Variants in PTPRO observed in about 807,000 individuals in gnomAD.
PTPRO encodes the protein protein tyrosine phosphatase receptor type O.
In PTPRO, 62 loss-of-function variants were observed where a neutral mutation model predicts 145.2. That is an observed-to-expected ratio of 0.43 (90% CI 0.35 to 0.53). The LOEUF is 0.53. Ranked by LOEUF, PTPRO falls within the 20% of genes least tolerant of loss-of-function variation. The pLI is 0.01. For missense variants in PTPRO, 1,345 were observed against 1,482.7 expected (o/e 0.91, Z 1.53); for synonymous variants, 565 against 514.7 (o/e 1.10, Z -1.32).
At chr12:15,494,034 A>AAAACATG (rs1430374161) in intron 2 of PTPRO, among the ~76,000 whole-genome samples, 9 of 152,222 alleles carry the variant, frequency 5.9e-5, no homozygotes, top group Non-Finnish European at 1.3e-4. Flanking sequence ...ATAATAATTT[A>AAAACATG]AAACATGAAA....
At position 15,515,448 on chromosome 12, in the gene PTPRO, A is replaced by G. The variant is rs1443294352; in HGVS notation, c.1465-50A>G. On this transcript the variant is annotated intron_variant, in intron 7 of 26. Transcript: ENST00000281171. ...AATATTATACCAGCCTCTGTGTAAC[A>G]TTCTGAAATCCCAGCTCTAAATAAA... The G allele has an allele frequency of 2.5e-6, 4 of 1,607,334 alleles. No individual in the cohort carries two copies. The South Asian group carries it at 3.3e-5, about 13-fold the overall frequency.
At chr12:15,331,138 A>G (rs75162833) in intron 1 of PTPRO, among the ~76,000 whole-genome samples, 1,753 of 152,228 alleles carry the variant, frequency 0.012, 35 homozygotes, top group African/African-American at 0.039. Context: ...GAATTTAAGA[A>G]GTTGAAGGCA....
intron 2 of PTPRO, among the ~76,000 whole-genome samples, chr12:15,485,818 T>C (rs1056188346): frequency 2.0e-5 from 3 of 152,178 alleles, no homozygotes; most frequent in African/African-American, 4.8e-5. Flanking sequence ...CTTTGTGATG[T>C]TTTTCTTTGA....
intron 2 of PTPRO, among the ~76,000 whole-genome samples, chr12:15,485,628 C>T (rs993167777): frequency 3.3e-5 from 5 of 152,088 alleles, no homozygotes; most frequent in African/African-American, 4.8e-5. Context: ...ACTGTAATGA[C>T]GGTCGCTGAT....
At chr12:15,563,971 T>C (rs1352556583) in intron 17 of PTPRO, among the ~76,000 whole-genome samples, 1 of 152,154 alleles carries the variant, frequency 6.6e-6, no homozygotes, top group African/African-American at 2.4e-5. Flanking sequence ...ACTAACTAAA[T>C]TACCATCACG....
intron 16 of PTPRO, among the ~76,000 whole-genome samples, chr12:15,558,973 T>C (rs956314143): frequency 3.9e-5 from 6 of 152,164 alleles, no homozygotes; most frequent in Admixed American, 1.3e-4. Context: ...GAAACGTTAC[T>C]AGGTTTGTTC....
intron 1 of PTPRO, among the ~76,000 whole-genome samples, chr12:15,325,840 G>A (rs1866430118): frequency 6.6e-6 from 1 of 152,122 alleles, no homozygotes; most frequent in South Asian, 2.1e-4. Context: ...CTGAAATGTT[G>A]CTTTTTAGTA....
At chr12:15,467,485 T>A (rs1031605682) in intron 1 of PTPRO, among the ~76,000 whole-genome samples, 8 of 151,892 alleles carry the variant, frequency 5.3e-5, no homozygotes, top group African/African-American at 1.9e-4. Context: ...AATCCATTCT[T>A]AAGTCACTCA....
At chr12:15,494,508 G>T (rs1490834090) in intron 2 of PTPRO, among the ~76,000 whole-genome samples, 1 of 152,130 alleles carries the variant, frequency 6.6e-6, no homozygotes, top group African/African-American at 2.4e-5. Context: ...CTATACGTTT[G>T]AGTTCTTCTA....
At chr12:15,481,061 G>A (rs1197234833) in intron 1 of PTPRO, among the ~76,000 whole-genome samples, 1 of 152,218 alleles carries the variant, frequency 6.6e-6, no homozygotes, top group Non-Finnish European at 1.5e-5. Context: ...GATAAGGGAA[G>A]GAGCTAGTAT....
Position 15,502,038 on chromosome 12 carries a change from G to A in PTPRO, c.1080G>A (p.Gly360=). 6.2e-7 allele frequency: 1 copy of A among 1,613,110 alleles called. No homozygotes were observed. Among genetic ancestry groups the A allele is most frequent in the Non-Finnish European group, 8.5e-7 (1 of 1,179,132 alleles). Residue 360 remains glycine, a synonymous_variant, in exon 5 of 27, where the codon GGG becomes GGA. Transcript: ENST00000281171. ...LPPKPPTAFD[G]FHIHIEREEN... Reference sequence around the variant, plus strand: ...CCAAACCACCCACTGCTTTTGATGGGTTCCATATCCATATTGAACGAGAAG... The same window carrying A: ...CCAAACCACCCACTGCTTTTGATGGATTCCATATCCATATTGAACGAGAAG...
chr12:15,451,360 C>T (rs1483201806), intron 1 of PTPRO, among the ~76,000 whole-genome samples: 1 of 151,974 alleles, frequency 6.6e-6, no homozygotes, highest in African/African-American at 2.4e-5. Flanking sequence ...TGCTACTAGA[C>T]CTAAGAAATG....
chr12:15,402,492 G>T (rs1042111545), intron 1 of PTPRO, among the ~76,000 whole-genome samples: 1 of 152,018 alleles, frequency 6.6e-6, no homozygotes, highest in African/African-American at 2.4e-5. Context: ...ACAAAATTCT[G>T]ATGATTATAA....
chr12:15,443,621 A>G (rs1346079435), intron 1 of PTPRO, among the ~76,000 whole-genome samples: 1 of 152,184 alleles, frequency 6.6e-6, no homozygotes, highest in Non-Finnish European at 1.5e-5. Context: ...AATATCTAGA[A>G]TTCACATGAA....
chr12:15,383,483 TA>T (rs1434116243), intron 1 of PTPRO, among the ~76,000 whole-genome samples: 1 of 152,180 alleles, frequency 6.6e-6, no homozygotes, highest in Non-Finnish European at 1.5e-5. Flanking sequence ...ATGTTGATGA[TA>T]AAAAACAATG....
At chr12:15,346,149 C>A (rs764542754) in intron 1 of PTPRO, among the ~76,000 whole-genome samples, 2 of 152,120 alleles carry the variant, frequency 1.3e-5, no homozygotes, top group Non-Finnish European at 2.9e-5. Flanking sequence ...TATTCTCTGA[C>A]AAACATATAA....
In PTPRO at chr12:15,416,751, T is replaced by C. The variant is rs568535570; in HGVS notation, c.76-67223T>C. Among the ~76,000 whole-genome samples, 4 of 149,812 alleles carry C rather than the reference T, an allele frequency of 2.7e-5. 1 individual carries two copies. The South Asian group carries it at 6.3e-4, about 24-fold the overall frequency. On this transcript the variant is annotated intron_variant, in intron 1 of 26. Transcript: ENST00000281171. ...TTTTTTTTTTTCCCCACCAACATGC[T>C]CCTCTCTTTCTCTAAGTGAAGTTGT...
intron 1 of PTPRO, among the ~76,000 whole-genome samples, chr12:15,377,197 A>T (rs2136269381): frequency 6.6e-6 from 1 of 152,280 alleles, no homozygotes; most frequent in South Asian, 2.1e-4. Context: ...CTAAAAAATT[A>T]TAGTAAAAGA....
In PTPRO at chr12:15,523,804, A is replaced by AT. The variant is rs112504449; in HGVS notation, c.1892-999dup. On this transcript the variant is annotated intron_variant, in intron 10 of 26. Coordinates refer to ENST00000281171, the MANE Select transcript of PTPRO (RefSeq NM_030667.3). The stretch of plus-strand genomic sequence containing the variant: ...GTAAAAATAAAATAAAATAAAAGTA[A>AT]TTTTTTTTTTTGAGGCAGGGTCTCA... 1.4e-3 allele frequency among the ~76,000 whole-genome samples: 212 copies of AT among 147,858 alleles called. 2 individuals carry two copies. The highest frequency in any genetic ancestry group is 4.1e-3 in the African/African-American group (166 of 40,470).
Sources: gnomAD v4.1 joint callset for allele counts (sites outside exome capture counted in the v4.1 genomes callset) on GRCh38, gnomAD v4.1.1 for gene constraint, MANE v1.5 for transcripts, NCBI Gene and HGNC (gene_info 2026-07-23, HGNC 2026-07-21) for gene names.